NUSAP1: variants seen among roughly 807,000 people sequenced by gnomAD.
NUSAP1 encodes the protein nucleolar and spindle-associated protein 1.
A neutral mutation model predicts 52.8 loss-of-function variants in NUSAP1; 32 were observed. The ratio of observed to expected loss-of-function variants is 0.61; its 90% CI spans 0.46 to 0.81. The LOEUF is 0.81. Ranked by LOEUF, NUSAP1 falls within the 40% of genes least tolerant of loss-of-function variation. The pLI, the probability that NUSAP1 is intolerant of heterozygous loss-of-function variation, is 0.00. For synonymous variants in NUSAP1, 195 were observed against 183.1 expected (o/e 1.06, Z -0.52); for missense variants, 499 against 522.3 (o/e 0.96, Z 0.43).
intron 6 of NUSAP1, among the ~76,000 whole-genome samples, chr15:41,359,055 A>G (rs2049075594): frequency 6.6e-6 from 1 of 152,220 alleles, no homozygotes; most frequent in African/African-American, 2.4e-5. Flanking sequence ...GTAACATTCT[A>G]GCAAGTTGAT....
At position 41,332,910 on chromosome 15, in the gene NUSAP1, G is replaced by T. The variant is rs375871874; in HGVS notation, c.-48G>T. 8.2e-6 allele frequency: 12 copies of T among 1,459,790 alleles called. No individual in the cohort carries two copies. The highest frequency in any genetic ancestry group is 2.4e-5 in the East Asian group (1 of 41,988). The allele number at this position is 1,459,790 out of a possible 1,614,324, so 90.4% of individuals were successfully genotyped here. The stretch of plus-strand genomic sequence containing the variant: ...CGCCAGGGATTTGAACCGCGCTGAC[G>T]AAGTTTGGTGATCCATCTTCCGAGT... On this transcript the variant is annotated 5_prime_UTR_variant, in exon 1 of 11. Transcript: ENST00000559596.
At chr15:41,354,945 G>A (rs374766987) in intron 4 of NUSAP1, among the ~76,000 whole-genome samples, 5 of 150,098 alleles carry the variant, frequency 3.3e-5, no homozygotes, top group East Asian at 2.0e-4. Flanking sequence ...GCTTTAACCC[G>A]GGAGGTGGAG....
intron 3 of NUSAP1, among the ~76,000 whole-genome samples, chr15:41,349,783 T>TG (rs2048714054): frequency 6.7e-6 from 1 of 149,868 alleles, no homozygotes; most frequent in Non-Finnish European, 1.5e-5. Flanking sequence ...TTTTTTTTTT[T>TG]GAGACAGAGT....
At chr15:41,355,656 GTT>G (rs11311592) in intron 4 of NUSAP1, among the ~76,000 whole-genome samples, 9 of 147,428 alleles carry the variant, frequency 6.1e-5, no homozygotes, top group African/African-American at 2.0e-4. Flanking sequence ...ACTTACACAC[GTT>G]TTTTTTTTTG....
Position 41,371,527 on chromosome 15 carries a change from G to A in NUSAP1, c.849G>A (p.Arg283=). ...TCTTGTACTCTGCTGTCCTATTTAG[G>A]TTTTCAGCTGCTACTAAAGATAATG... ...SAISAAKTGV[R]FSAATKDNEH... is the part of the protein sequence containing the mutation. Residue 283 remains arginine (R), a splice_region_variant and synonymous_variant, in exon 8 of 11, where the codon AGG becomes AGA. Coordinates refer to ENST00000559596, the MANE Select transcript of NUSAP1 (RefSeq NM_016359.5). 6.3e-7 allele frequency: 1 copy of A among 1,593,698 alleles called. No homozygotes were observed. Among genetic ancestry groups the A allele is most frequent in the East Asian group, 2.2e-5 (1 of 44,712 alleles).
intron 4 of NUSAP1, among the ~76,000 whole-genome samples, chr15:41,354,883 G>T (rs933645133): frequency 1.3e-5 from 2 of 151,358 alleles, no homozygotes; most frequent in South Asian, 4.2e-4. Context: ...AGCCGGGTGT[G>T]GGGGCGGGCG....
chr15:41,339,772 T>A (rs1373516001), intron 1 of NUSAP1, among the ~76,000 whole-genome samples: 1 of 151,754 alleles, frequency 6.6e-6, no homozygotes, highest in African/African-American at 2.4e-5. Flanking sequence ...AAGAAATTAA[T>A]TTTTTTTCTA....
At chr15:41,333,502 G>C (rs1310876257) in intron 1 of NUSAP1, among the ~76,000 whole-genome samples, 3 of 151,804 alleles carry the variant, frequency 2.0e-5, no homozygotes, top group Non-Finnish European at 2.9e-5. Context: ...TTTATTGATG[G>C]ACCTGTCAGA....
intron 8 of NUSAP1, among the ~76,000 whole-genome samples, chr15:41,375,375 C>T (rs1338074648): frequency 1.3e-5 from 2 of 152,040 alleles, no homozygotes; most frequent in Middle Eastern, 3.4e-3. Flanking sequence ...GGGGTTTCTC[C>T]GTGTTGGTCA....
At position 41,360,793 on chromosome 15, in the gene NUSAP1, C is replaced by CTT. The variant is rs1180569684; in HGVS notation, c.660+2554_660+2555dup. Reference sequence around the variant, plus strand: ...ACATTTGAAGGCACTGTTTATCCATCTTTTTTTTTTTTTTTTTTTTGCGAT... The same window carrying CTT: ...ACATTTGAAGGCACTGTTTATCCATCTTTTTTTTTTTTTTTTTTTTTTGCGAT... On this transcript the variant is annotated intron_variant, in intron 6 of 10. Transcript: ENST00000559596. 1.7e-3 allele frequency among the ~76,000 whole-genome samples: 203 copies of CTT among 116,986 alleles called. 2 individuals are homozygous for CTT. The highest frequency in any genetic ancestry group is 1.9e-3 in the Non-Finnish European group (110 of 56,516). The allele number at this position is 116,986 out of a possible 152,430, so 76.7% of individuals were successfully genotyped here. A position where few individuals can be genotyped will look rare whatever the true frequency, so the allele number is the denominator to read the frequency against.
chr15:41,357,500 A>G (rs900711824), intron 5 of NUSAP1, among the ~76,000 whole-genome samples: 1 of 151,482 alleles, frequency 6.6e-6, no homozygotes, highest in Non-Finnish European at 1.5e-5. Flanking sequence ...CTGGAGTGCA[A>G]TGGCGCAATC....
At chr15:41,364,563 G>T (rs1473320922) in intron 6 of NUSAP1, among the ~76,000 whole-genome samples, 2 of 151,710 alleles carry the variant, frequency 1.3e-5, no homozygotes, top group African/African-American at 4.8e-5. Context: ...AAAAAAGAAA[G>T]AAAGAAAAGA....
intron 7 of NUSAP1, among the ~76,000 whole-genome samples, chr15:41,370,477 G>A (rs896886321): frequency 9.2e-5 from 14 of 152,000 alleles, no homozygotes; most frequent in African/African-American, 2.7e-4. Flanking sequence ...TTAGCTGGGC[G>A]CGGTGGCTCA....
chr15:41,351,061 T>A lies in NUSAP1; in HGVS notation c.380T>A (p.Leu127His), dbSNP rs779216392. Residue 127 changes from leucine (L) to histidine (H), a missense_variant, in exon 4 of 11, where the codon CTC becomes CAC. By Grantham distance (99) the Leu-to-His change is moderately conservative (BLOSUM62 -3). Coordinates refer to ENST00000559596, the MANE Select transcript of NUSAP1 (RefSeq NM_016359.5). ...QNHEKQESQD[L>H]RATAKVPSPP... Reference sequence around the variant, plus strand: ...CATGAAAAGCAGGAAAGCCAGGATCTCAGAGCTACTGCAAAAGTTCCTTCT... The same window carrying A: ...CATGAAAAGCAGGAAAGCCAGGATCACAGAGCTACTGCAAAAGTTCCTTCT... The A allele has an allele frequency of 1.7e-5, 27 of 1,613,612 alleles. No individual in the cohort carries two copies. The highest frequency in any genetic ancestry group is 2.0e-5 in the Non-Finnish European group (24 of 1,179,756).
chr15:41,368,748 T>C (rs1325113900), intron 7 of NUSAP1, among the ~76,000 whole-genome samples: 1 of 143,618 alleles, frequency 7.0e-6, no homozygotes, highest in Non-Finnish European at 1.5e-5. Context: ...TTTTTTTTTT[T>C]TTTTGAGACA....
chr15:41,336,657 T>C (rs866741247), intron 1 of NUSAP1, among the ~76,000 whole-genome samples: 1 of 92,672 alleles, frequency 1.1e-5, no homozygotes, highest in Non-Finnish European at 2.6e-5. Context: ...GGTTTTTTTT[T>C]TTTTTTTTTT....
At chr15:41,340,827 A>T (rs2048341512) in intron 1 of NUSAP1, among the ~76,000 whole-genome samples, 1 of 152,220 alleles carries the variant, frequency 6.6e-6, no homozygotes, top group Non-Finnish European at 1.5e-5. Flanking sequence ...CTTGATGCAG[A>T]GCATTCTGGT....
chr15:41,340,039 C>A (rs2048319547), intron 1 of NUSAP1, among the ~76,000 whole-genome samples: 1 of 152,150 alleles, frequency 6.6e-6, no homozygotes, highest in Non-Finnish European at 1.5e-5. Context: ...TCCCAAAGTG[C>A]TAGGATTACA....
intron 9 of NUSAP1, 70 bp from the exon 10 acceptor site, chr15:41,377,126 T>C: frequency 1.3e-6 from 1 of 780,664 alleles, no homozygotes; most frequent in Non-Finnish European, 2.1e-6. Flanking sequence ...ACCCCACAGA[T>C]GAAGAGAATG....
Sources: gnomAD v4.1 joint callset for allele counts (sites outside exome capture counted in the v4.1 genomes callset) on GRCh38, gnomAD v4.1.1 for gene constraint, MANE v1.5 for transcripts, NCBI Gene and HGNC (gene_info 2026-07-23, HGNC 2026-07-21) for gene names.